The following ZNF69 variants were observed in gnomAD, a reference collection of about 807,000 sequenced individuals.
ZNF69 encodes the protein ZNF3.
A neutral mutation model predicts 50.9 loss-of-function variants in ZNF69; 47 were observed. The ratio of observed to expected loss-of-function variants is 0.92; its 90% CI spans 0.73 to 1.18. The LOEUF (loss-of-function observed/expected upper bound fraction) is 1.18, where lower values mean the gene tolerates loss of function less well. ZNF69 is among the 50% of genes most tolerant of loss of function. ZNF69 has a pLI of 0.00. For synonymous variants in ZNF69, 216 were observed against 223.1 expected (o/e 0.97, Z 0.29); for missense variants, 717 against 675.1 (o/e 1.06, Z -0.69).
the ZNF69 span, among the ~76,000 whole-genome samples, chr19:11,960,931 T>C: frequency 1.3e-5 from 2 of 152,204 alleles, no homozygotes; most frequent in South Asian, 4.1e-4. Flanking sequence ...CCAAAGCCTC[T>C]TTTATAGACT....
chr19:11,948,560 C>G, the ZNF69 span: 1 of 1,608,512 alleles, frequency 6.2e-7, no homozygotes, highest in Non-Finnish European at 8.5e-7. Context: ...AGGTATCGCC[C>G]ATCCATTAGA....
the ZNF69 span, among the ~76,000 whole-genome samples, chr19:11,954,507 C>T: frequency 6.6e-6 from 1 of 152,166 alleles, no homozygotes; most frequent in Non-Finnish European, 1.5e-5. Context: ...CATGAGCCAC[C>T]ATGCCCAGAC....
In ZNF69 at chr19:11,905,266, G is replaced by T; in HGVS notation, c.869G>T (p.Cys290Phe). 6.2e-7 allele frequency: 1 copy of T among 1,613,860 alleles called. No individual in the cohort carries two copies. The highest frequency in any genetic ancestry group is 8.5e-7 in the Non-Finnish European group (1 of 1,179,966). The change falls in exon 4 of 4, where the codon TGC (cysteine) becomes TTC (phenylalanine). Residue 290 changes from cysteine to phenylalanine, a missense_variant. Cys to Phe is a radical substitution (Grantham distance 205). Transcript: ENST00000429654. ...GGGAAAGCATTTCATAGTCCCAGAT[G>T]CTATCGTAGACATGAAAGGATTCAC... ...QCGKAFHSPRCYRRHERIHTG... is the reference protein window; with the variant it reads ...QCGKAFHSPRFYRRHERIHTG...
chr19:11,979,356 A>G, the ZNF69 span: 19 of 1,610,622 alleles, frequency 1.2e-5, no homozygotes, highest in African/African-American at 2.7e-5. Context: ...GAGAAACCCT[A>G]TGAGTGTAAG....
chr19:11,946,078 G>A, the ZNF69 span, among the ~76,000 whole-genome samples: 1 of 152,150 alleles, frequency 6.6e-6, no homozygotes, highest in Admixed American at 6.5e-5. Flanking sequence ...CTCGTTAGGG[G>A]CACCTGAGCC....
At chr19:11,955,261 C>T in the ZNF69 span, among the ~76,000 whole-genome samples, 120 of 151,872 alleles carry the variant, frequency 7.9e-4, no homozygotes, top group Non-Finnish European at 1.5e-3. Flanking sequence ...CCTCGGCATC[C>T]GAAAATGCTG....
In ZNF69 at chr19:11,904,995, A is replaced by G. The variant is rs564440778; in HGVS notation, c.598A>G (p.Thr200Ala). 1.4e-5 allele frequency: 22 copies of G among 1,613,908 alleles called. No homozygotes were observed. The highest frequency in any genetic ancestry group is 1.7e-5 in the Non-Finnish European group (20 of 1,179,914). ...CTATGCTTGTAAAGAATGTGGAAAA[A>G]CTTTTATTTCCCATTCAAGCATTCA... The part of the protein sequence containing the change: ...KPYACKECGK[T>A]FISHSSIQRH... Residue 200 changes from threonine (T) to alanine (A), a missense_variant, in exon 4 of 4, where the codon ACT becomes GCT. Physicochemically the swap from Thr to Ala is moderately conservative, Grantham distance 58. Transcript: ENST00000429654.
the ZNF69 span, among the ~76,000 whole-genome samples, chr19:11,928,462 G>A: frequency 1.9e-3 from 289 of 150,520 alleles, 1 homozygote; most frequent in African/African-American, 6.9e-3. Context: ...GCCGGGCGCG[G>A]TGGCTCACGC....
Position 11,901,636 on chromosome 19 carries a change from C to T in ZNF69, c.64-1937C>T, listed in dbSNP as rs186037901. ...AGTAACTGTGACTATAGGCATGTGC[C>T]ACCATGCCTGGCTAATTTTTGTGTT... On this transcript the variant is annotated intron_variant, in intron 1 of 3. Coordinates refer to ENST00000429654, the MANE Select transcript of ZNF69 (RefSeq NM_001364730.1). 4.0e-3 allele frequency among the ~76,000 whole-genome samples: 603 copies of T among 152,188 alleles called. 10 individuals are homozygous for T. The highest frequency in any genetic ancestry group is 0.037 in the Admixed American group (569 of 15,286).
At chr19:11,938,103 C>T in the ZNF69 span, among the ~76,000 whole-genome samples, 2 of 152,018 alleles carry the variant, frequency 1.3e-5, no homozygotes, top group Admixed American at 6.6e-5. Context: ...GAGTCTCACT[C>T]TGTCATCCAG....
the ZNF69 span, among the ~76,000 whole-genome samples, chr19:11,951,221 AT>A: frequency 1.4e-5 from 2 of 147,768 alleles, no homozygotes; most frequent in Non-Finnish European, 3.0e-5. Context: ...CTCAACCCTA[AT>A]TTTGCTGGTT....
intron 1 of ZNF69, among the ~76,000 whole-genome samples, chr19:11,901,978 CT>C (rs58505422): frequency 0.034 from 4,046 of 119,056 alleles, 79 homozygotes; most frequent in African/African-American, 0.13. Context: ...ATGTTATTTT[CT>C]TTTTTTTTTT....
the ZNF69 span, among the ~76,000 whole-genome samples, chr19:11,943,156 G>A: frequency 6.6e-6 from 1 of 152,096 alleles, no homozygotes; most frequent in Non-Finnish European, 1.5e-5. Context: ...TCCTAGTGCT[G>A]GAAACCATTT....
the ZNF69 span, among the ~76,000 whole-genome samples, chr19:11,957,165 C>T: frequency 1.3e-5 from 2 of 150,670 alleles, no homozygotes; most frequent in Admixed American, 6.6e-5. Flanking sequence ...GATCTCAGCT[C>T]ACTGCAACCT....
At chr19:11,960,414 C>CT in the ZNF69 span, among the ~76,000 whole-genome samples, 1,450 of 152,300 alleles carry the variant, frequency 9.5e-3, 16 homozygotes, top group African/African-American at 0.033. Context: ...CATTAAGCTC[C>CT]TAGGCTTGAG....
the ZNF69 span, chr19:11,979,335 G>T: frequency 2.8e-4 from 458 of 1,608,858 alleles, 2 homozygotes; most frequent in Non-Finnish European, 9.5e-5. Context: ...GGCATGGTAG[G>T]ACTCACTGGA....
the ZNF69 span, among the ~76,000 whole-genome samples, chr19:11,951,922 C>T: frequency 6.6e-6 from 1 of 152,314 alleles, no homozygotes; most frequent in South Asian, 2.1e-4. Flanking sequence ...CGCCTGTAAT[C>T]ACAGCACATT....
chr19:11,949,506 G>A, the ZNF69 span: 2 of 1,611,712 alleles, frequency 1.2e-6, no homozygotes, highest in Non-Finnish European at 1.7e-6. Context: ...TTCATGAAAG[G>A]ACAGAAAAAC....
the ZNF69 span, among the ~76,000 whole-genome samples, chr19:11,962,569 C>T: frequency 9.4e-4 from 143 of 151,770 alleles, 1 homozygote; most frequent in Non-Finnish European, 1.6e-3. Flanking sequence ...CTATATTGCC[C>T]AGGCTGTTCT....
Sources: gnomAD v4.1 joint callset for allele counts (sites outside exome capture counted in the v4.1 genomes callset) on GRCh38, gnomAD v4.1.1 for gene constraint, MANE v1.5 for transcripts, NCBI Gene and HGNC (gene_info 2026-07-23, HGNC 2026-07-21) for gene names.